Variants in DIXDC1 observed in about 807,000 individuals in gnomAD.
DIXDC1 encodes the protein DIX domain containing 1.
In DIXDC1, 64 loss-of-function variants were observed where a neutral mutation model predicts 103.1. The observed-to-expected ratio is 0.62, with a 90% CI of 0.51 to 0.76. DIXDC1 has a LOEUF of 0.76. DIXDC1 is among the 30% of genes least tolerant of loss of function. The probability of loss-of-function intolerance (pLI) is 0.00; values close to 1 mark genes in which losing one functional copy is unlikely to be tolerated. For missense variants in DIXDC1, 759 were observed against 834.2 expected, an observed-to-expected ratio of 0.91 and a Z score of 1.11; for synonymous variants, 266 against 298.5, an observed-to-expected ratio of 0.89 and a Z score of 1.12.
upstream of DIXDC1, among the ~76,000 whole-genome samples, chr11:111,936,866 G>C (rs1966203956): frequency 6.6e-6 from 1 of 151,516 alleles, no homozygotes; most frequent in Non-Finnish European, 1.5e-5. Context: ...GTGTGTGTGT[G>C]TGTGTGTGTG....
rs1220195229 is a variant in DIXDC1 at position 111,958,538 on chromosome 11, T to C, written c.61-6011T>C. 6.6e-6 allele frequency among the ~76,000 whole-genome samples: 1 copy of C among 152,148 alleles called. No homozygotes were observed. Among genetic ancestry groups the C allele is most frequent in the Non-Finnish European group, 1.5e-5 (1 of 68,018 alleles). On this transcript the variant is annotated intron_variant, in intron 1 of 19. Coordinates refer to ENST00000440460, the MANE Select transcript of DIXDC1 (RefSeq NM_001037954.4). This position sits in a 1 kb window ranked among gnomAD's most constrained non-coding sequence, Gnocchi z 4.2. The stretch of plus-strand genomic sequence containing the variant: ...GCCTTAGCTCCCTCTGGACTTTGGG[T>C]GCCGAAAAGCACCAGAGGGAGGCTG...
intron 2 of DIXDC1, among the ~76,000 whole-genome samples, chr11:111,966,228 C>CTTTTT (rs71060203): frequency 3.3e-5 from 3 of 91,696 alleles, no homozygotes; most frequent in African/African-American, 4.3e-5. Flanking sequence ...TTTTTTTTTC[C>CTTTTT]TTTTTTTTTT....
In DIXDC1 at chr11:111,971,790, TA is replaced by T. The variant is rs367722477; in HGVS notation, c.317-2223del. Among the ~76,000 whole-genome samples the T allele has an allele frequency of 4.4e-3, 651 of 149,540 alleles. 2 individuals are homozygous for T. The highest frequency in any genetic ancestry group is 0.014 in the African/African-American group (572 of 40,462). ...TACACCATAGGATACTATGCAGCTA[TA>T]AAAAAAAAATTCATGTCCTTTGCTG... is the stretch of plus-strand genomic sequence containing the variant. On this transcript the variant is annotated intron_variant, in intron 3 of 19. Transcript: ENST00000440460.
chr11:111,981,412 G>T (rs587683526), intron 6 of DIXDC1, among the ~76,000 whole-genome samples: 1 of 152,290 alleles, frequency 6.6e-6, no homozygotes, highest in African/African-American at 2.4e-5. Flanking sequence ...ACTTAGAATT[G>T]TATTTACCCA....
At chr11:111,978,452 C>T (rs1860190985) in intron 5 of DIXDC1, among the ~76,000 whole-genome samples, 1 of 151,980 alleles carries the variant, frequency 6.6e-6, no homozygotes, top group African/African-American at 2.4e-5. Context: ...TCCACTTGGC[C>T]ATCGAGTTTC....
In DIXDC1 at chr11:111,995,670, T is replaced by G. The variant is rs781855621; in HGVS notation, c.1689+106T>G. ...AGTGTGAAGAGATACAAGACCCTGT[T>G]AAAGGTTAGAGTTGTTTTTCTCTAT... On this transcript the variant is annotated intron_variant, in intron 16 of 19. Coordinates refer to ENST00000440460, the MANE Select transcript of DIXDC1 (RefSeq NM_001037954.4). The G allele has an allele frequency of 1.4e-4, 201 of 1,417,320 alleles. 3 individuals are homozygous for G. The highest frequency in any genetic ancestry group is 3.8e-4 in the Admixed American group (17 of 45,148). 87.8% of individuals were successfully genotyped at this position (1,417,320 alleles called of 1,614,324 possible). A position where few individuals can be genotyped will look rare whatever the true frequency, so the allele number is the denominator to read the frequency against.
At chr11:111,932,027 C>CTTTT (rs59805759) in intron 2 of DIXDC1, among the ~76,000 whole-genome samples, 18 of 99,136 alleles carry the variant, frequency 1.8e-4, no homozygotes, top group African/African-American at 4.0e-4. Context: ...GGCAGATAAC[C>CTTTT]TTTTTTTTTT....
intron 14 of DIXDC1, 70 bp downstream of exon 14, chr11:111,993,810 A>G: frequency 6.5e-7 from 1 of 1,547,308 alleles, no homozygotes; most frequent in Non-Finnish European, 8.8e-7. Flanking sequence ...TCTGACTCAG[A>G]GCTGAACCAA....
At chr11:111,986,079 G>T (rs1180620216) in intron 8 of DIXDC1, among the ~76,000 whole-genome samples, 2 of 152,118 alleles carry the variant, frequency 1.3e-5, no homozygotes, top group East Asian at 3.8e-4. Flanking sequence ...ACAGCCACTT[G>T]AAAATCAAGC....
At chr11:112,000,881 GT>G (rs782025178) in intron 17 of DIXDC1, among the ~76,000 whole-genome samples, 4 of 152,176 alleles carry the variant, frequency 2.6e-5, no homozygotes, top group Non-Finnish European at 5.9e-5. Context: ...CTCTGGGGAT[GT>G]GAATGGTGCA....
At chr11:111,939,078 TCAC>T (rs1966324867) in intron 1 of DIXDC1, among the ~76,000 whole-genome samples, 1 of 152,230 alleles carries the variant, frequency 6.6e-6, no homozygotes, top group South Asian at 2.1e-4. Flanking sequence ...TCTGACTCAT[TCAC>T]CAACTGTGGC....
intron 6 of DIXDC1, among the ~76,000 whole-genome samples, chr11:111,981,779 C>A (rs778365379): frequency 4.3e-4 from 66 of 152,206 alleles, no homozygotes; most frequent in Non-Finnish European, 6.5e-4. Flanking sequence ...ACAAGGAAAC[C>A]AGAGCAAAGA....
In DIXDC1 at chr11:111,958,956, C is replaced by T. The variant is rs1342993643; in HGVS notation, c.61-5593C>T. ...AGCCAAGGAGAAGAGCTACCCACTC[C>T]AGGGTCTTCACTCTGCTGAGAGCTG... On this transcript the variant is annotated intron_variant, in intron 1 of 19. Coordinates refer to ENST00000440460, the MANE Select transcript of DIXDC1 (RefSeq NM_001037954.4). The surrounding 1 kb of genome is among the most constrained non-coding windows in gnomAD (Gnocchi z 4.2). 2.0e-5 allele frequency among the ~76,000 whole-genome samples: 3 copies of T among 152,164 alleles called. No homozygotes were observed. The highest frequency in any genetic ancestry group is 7.2e-5 in the African/African-American group (3 of 41,432).
At chr11:112,000,474 A>G (rs1418221487) in intron 17 of DIXDC1, among the ~76,000 whole-genome samples, 1 of 152,138 alleles carries the variant, frequency 6.6e-6, no homozygotes, top group African/African-American at 2.4e-5. Context: ...TGAGGTGGGC[A>G]GATCATGAGG....
intron 17 of DIXDC1, among the ~76,000 whole-genome samples, chr11:112,006,401 C>T (rs1555176631): frequency 1.3e-5 from 2 of 152,242 alleles, no homozygotes; most frequent in African/African-American, 2.4e-5. Context: ...CATACTTAAA[C>T]GTCCCTGTCT....
chr11:111,999,691 C>A (rs113144366), intron 17 of DIXDC1, among the ~76,000 whole-genome samples: 2,107 of 151,876 alleles, frequency 0.014, 22 homozygotes, highest in Non-Finnish European at 0.023. Context: ...ATGGTGAAAC[C>A]CTGTCTCTGC....
Position 111,983,619 on chromosome 11 carries a change from A to C in DIXDC1, c.918+1132A>C, listed in dbSNP as rs117362692. Reference sequence around the variant, plus strand: ...GAGAACTTTGAGATTATACCCAACCAGGTTGTTCCCAGGATAATTTGCATT... The same window carrying C: ...GAGAACTTTGAGATTATACCCAACCCGGTTGTTCCCAGGATAATTTGCATT... On this transcript the variant is annotated intron_variant, in intron 7 of 19. Transcript: ENST00000440460. 1.1e-3 allele frequency among the ~76,000 whole-genome samples: 168 copies of C among 152,320 alleles called. 2 individuals are homozygous for C. In the East Asian group the frequency reaches 0.028, roughly 25 times the overall value.
chr11:111,979,664 A>G (rs1860232793), intron 5 of DIXDC1, among the ~76,000 whole-genome samples: 1 of 152,202 alleles, frequency 6.6e-6, no homozygotes, highest in Non-Finnish European at 1.5e-5. Context: ...GCTAGTAGTT[A>G]TATCAGAACT....
chr11:111,944,200 C>T (rs1966518083), intron 1 of DIXDC1, among the ~76,000 whole-genome samples: 1 of 152,220 alleles, frequency 6.6e-6, no homozygotes, highest in African/African-American at 2.4e-5. Flanking sequence ...TCTGGTTTCA[C>T]TGTAAAACTA....
Sources: allele counts gnomAD v4.1 joint callset (sites outside exome capture counted in the v4.1 genomes callset), GRCh38; gene constraint gnomAD v4.1.1; non-coding constraint Gnocchi (gnomAD v3.1); transcripts MANE v1.5; gene names NCBI Gene and HGNC (gene_info 2026-07-23, HGNC 2026-07-21).